TPD52L1: variants seen among roughly 807,000 people sequenced by gnomAD.
TPD52L1 encodes TPD52 like 1.
Under a neutral mutation model 28.7 loss-of-function variants are expected in TPD52L1, and 18 were observed. That is an observed-to-expected ratio of 0.63 (90% confidence interval 0.43 to 0.93). TPD52L1 has a LOEUF of 0.93. Among genes scored for constraint, TPD52L1 ranks in the 40% least tolerant of loss-of-function variants. The pLI is 0.00. For synonymous variants in TPD52L1, 75 were observed against 88.8 expected (o/e 0.84, Z 0.88); for missense variants, 203 against 254.8 (o/e 0.80, Z 1.39).
chr6:125,250,223 A>G (rs1173146533), intron 4 of TPD52L1, among the ~76,000 whole-genome samples: 2 of 152,226 alleles, frequency 1.3e-5, no homozygotes, highest in African/African-American at 4.8e-5. Context: ...GTGCTTCTGC[A>G]TCTTTAGGAG....
At chr6:125,172,110 TTC>T (rs1791371055) in intron 1 of TPD52L1, among the ~76,000 whole-genome samples, 1 of 58,874 alleles carries the variant, frequency 1.7e-5, no homozygotes, top group South Asian at 6.0e-4. Context: ...CTTTCTTTCT[TTC>T]TTTCTTTCTT....
At chr6:125,168,286 T>A (rs867150065) in intron 1 of TPD52L1, among the ~76,000 whole-genome samples, 1 of 152,138 alleles carries the variant, frequency 6.6e-6, no homozygotes, top group Non-Finnish European at 1.5e-5. Flanking sequence ...GTGCCAGTGT[T>A]CTTTGACTCT....
At chr6:125,164,727 A>G (rs56131081) in intron 1 of TPD52L1, among the ~76,000 whole-genome samples, 3,625 of 152,234 alleles carry the variant, frequency 0.024, 61 homozygotes, top group Middle Eastern at 0.044. Flanking sequence ...CTTTAAGAAA[A>G]TACCTAGTAA....
chr6:125,211,986 A>C (rs1038306201), intron 1 of TPD52L1, among the ~76,000 whole-genome samples: 1 of 152,194 alleles, frequency 6.6e-6, no homozygotes, highest in Non-Finnish European at 1.5e-5. Context: ...TTCCATCTAG[A>C]ATTGACTCGT....
chr6:125,236,076 T>C (rs1796245924), intron 3 of TPD52L1, among the ~76,000 whole-genome samples: 1 of 152,194 alleles, frequency 6.6e-6, no homozygotes, highest in South Asian at 2.1e-4. Flanking sequence ...GCAGGCACCC[T>C]GGACTAGGCC....
intron 4 of TPD52L1, chr6:125,252,627 AT>A (rs981714581): frequency 1.8e-4 from 28 of 152,112 alleles, no homozygotes; most frequent in African/African-American, 6.8e-4. Flanking sequence ...ATATACTTTT[AT>A]TTTTTTAATT....
At chr6:125,163,582 T>TAAA (rs749871847) in intron 1 of TPD52L1, among the ~76,000 whole-genome samples, 1 of 123,328 alleles carries the variant, frequency 8.1e-6, no homozygotes, top group African/African-American at 3.0e-5. Flanking sequence ...ACACCCTGTC[T>TAAA]AAAAAAAAAA....
intron 1 of TPD52L1, among the ~76,000 whole-genome samples, chr6:125,188,884 C>A (rs1238684175): frequency 6.6e-6 from 1 of 152,156 alleles, no homozygotes; most frequent in East Asian, 1.9e-4. Context: ...TTCACATATG[C>A]CAATAAGGTC....
intron 1 of TPD52L1, among the ~76,000 whole-genome samples, chr6:125,188,256 A>G (rs1792781999): frequency 6.6e-6 from 1 of 152,132 alleles, no homozygotes; most frequent in Non-Finnish European, 1.5e-5. Flanking sequence ...CTTGTTATCC[A>G]AGTGGAAAGG....
chr6:125,196,714 G>C (rs898872864), intron 1 of TPD52L1, among the ~76,000 whole-genome samples: 3 of 152,082 alleles, frequency 2.0e-5, no homozygotes, highest in Non-Finnish European at 4.4e-5. Context: ...CCCTGTATTT[G>C]ATATCAGACT....
At chr6:125,205,902 A>C (rs1374397622) in intron 1 of TPD52L1, among the ~76,000 whole-genome samples, 1 of 152,184 alleles carries the variant, frequency 6.6e-6, no homozygotes, top group Non-Finnish European at 1.5e-5. Flanking sequence ...TTTTAGCCCA[A>C]GTTAGGTTTT....
At chr6:125,244,943 C>T (rs192789271) in intron 3 of TPD52L1, among the ~76,000 whole-genome samples, 231 of 152,280 alleles carry the variant, frequency 1.5e-3, no homozygotes, top group Admixed American at 3.9e-3. Flanking sequence ...GCCCCCTTCC[C>T]TTAGAAATGG....
intron 1 of TPD52L1, among the ~76,000 whole-genome samples, chr6:125,183,090 A>G (rs1361329166): frequency 3.3e-5 from 5 of 152,192 alleles, no homozygotes; most frequent in Non-Finnish European, 7.3e-5. Flanking sequence ...TGCATGAAGA[A>G]CACTGAAGCA....
rs140521432 is a variant in TPD52L1 at position 125,158,275 on chromosome 6, G to C, written c.19+4305G>C. On this transcript the variant is annotated intron_variant, in intron 1 of 6. Transcript: ENST00000534000. ...TATTTTTTATATCCACTCAAGAAGA[G>C]TCTCAGATGTCCATGAATGAAATAA... is the stretch of plus-strand genomic sequence containing the variant. Among the ~76,000 whole-genome samples, 646 of 152,234 alleles carry C rather than the reference G, an allele frequency of 4.2e-3. 5 individuals carry two copies. The highest frequency in any genetic ancestry group is 0.015 in the African/African-American group (620 of 41,532).
At chr6:125,227,056 G>A (rs1171419719) in intron 2 of TPD52L1, among the ~76,000 whole-genome samples, 1 of 152,094 alleles carries the variant, frequency 6.6e-6, no homozygotes, top group East Asian at 1.9e-4. Flanking sequence ...GGGTTCTATT[G>A]ATTATACTAT....
chr6:125,186,962 C>A (rs552335040), intron 1 of TPD52L1, among the ~76,000 whole-genome samples: 1 of 152,090 alleles, frequency 6.6e-6, no homozygotes, highest in South Asian at 2.1e-4. Flanking sequence ...AAAAAATAGG[C>A]ATTTTATCCT....
chr6:125,206,009 A>T (rs147901875), intron 1 of TPD52L1, among the ~76,000 whole-genome samples: 1 of 152,322 alleles, frequency 6.6e-6, no homozygotes, highest in Non-Finnish European at 1.5e-5. Context: ...ACAACAACAA[A>T]AAAGGAATAG....
chr6:125,204,913 A>G (rs1562279138), intron 1 of TPD52L1, among the ~76,000 whole-genome samples: 1 of 152,234 alleles, frequency 6.6e-6, no homozygotes, highest in Non-Finnish European at 1.5e-5. Flanking sequence ...GGCATCTAAC[A>G]ATCTAGAGGA....
At position 125,169,695 on chromosome 6, in the gene TPD52L1, C is replaced by T. The variant is rs183839131; in HGVS notation, c.19+15725C>T. Among the ~76,000 whole-genome samples the T allele has an allele frequency of 3.7e-4, 57 of 152,284 alleles. No individual in the cohort carries two copies. The East Asian group carries it at 4.1e-3, about 11-fold the overall frequency. ...CCCAGCCTTCCTTATCTCCCATGCGCATTACTGCAGGAGCCTCCTAGCAGG... is the reference window on the plus strand; with the variant it reads ...CCCAGCCTTCCTTATCTCCCATGCGTATTACTGCAGGAGCCTCCTAGCAGG... On this transcript the variant is annotated intron_variant, in intron 1 of 6. Transcript: ENST00000534000.
Sources: allele counts gnomAD v4.1 joint callset (sites outside exome capture counted in the v4.1 genomes callset), GRCh38; gene constraint gnomAD v4.1.1; transcripts MANE v1.5; gene names NCBI Gene and HGNC (gene_info 2026-07-23, HGNC 2026-07-21).